Variants in TENM3 observed in about 807,000 individuals in gnomAD.
TENM3 encodes the protein teneurin-3.
TENM3 carries 63 observed loss-of-function variants against 255.1 expected under a neutral mutation model. The observed-to-expected ratio is 0.25, with a 90% CI of 0.20 to 0.30. TENM3 has a LOEUF of 0.30. Among genes scored for constraint, TENM3 ranks in the 10% least tolerant of loss-of-function variants. TENM3 has a pLI of 1.00. For missense variants in TENM3, 2,929 were observed against 3,461.1 expected (o/e 0.85, Z 3.86); for synonymous variants, 1,306 against 1,322.3 (o/e 0.99, Z 0.27).
chr4:182,039,631 T>TATAC, the TENM3 span, among the ~76,000 whole-genome samples: 2 of 151,862 alleles, frequency 1.3e-5, no homozygotes, highest in Non-Finnish European at 2.9e-5. Context: ...GATATGCACA[T>TATAC]ATACATACAT....
chr4:181,776,704 G>A, the TENM3 span, among the ~76,000 whole-genome samples: 3 of 151,940 alleles, frequency 2.0e-5, no homozygotes, highest in Non-Finnish European at 1.5e-5. Flanking sequence ...GTACCTGTTG[G>A]TCATTTTTAT....
At chr4:182,007,439 A>C in the TENM3 span, among the ~76,000 whole-genome samples, 1 of 152,278 alleles carries the variant, frequency 6.6e-6, no homozygotes, top group Admixed American at 6.5e-5. Context: ...TAGGATAGTT[A>C]GCTCTTCTTG....
the TENM3 span, among the ~76,000 whole-genome samples, chr4:182,088,499 T>G: frequency 6.6e-6 from 1 of 152,192 alleles, no homozygotes; most frequent in African/African-American, 2.4e-5. Flanking sequence ...GGGGCTTCTC[T>G]GTACAAATGT....
intron 10 of TENM3, 76 bp downstream of exon 10, chr4:182,680,813 G>C (rs1756113337): frequency 8.4e-7 from 1 of 1,195,738 alleles, no homozygotes; most frequent in African/African-American, 1.6e-5. Context: ...TCTTTAGTTG[G>C]GCAGATCTCT....
intron 1 of TENM3, among the ~76,000 whole-genome samples, chr4:182,320,970 G>A (rs992793060): frequency 2.6e-5 from 4 of 152,182 alleles, no homozygotes; most frequent in African/African-American, 9.7e-5. Context: ...TGTATATATA[G>A]CAACACTTAT....
the TENM3 span, among the ~76,000 whole-genome samples, chr4:181,907,416 A>G: frequency 1.3e-5 from 2 of 152,158 alleles, no homozygotes; most frequent in South Asian, 4.1e-4. Flanking sequence ...AGATTTTTCT[A>G]TGAAATCTCC....
chr4:182,123,155 ATTGTTG>A, the TENM3 span, among the ~76,000 whole-genome samples: 1 of 151,846 alleles, frequency 6.6e-6, no homozygotes, highest in Non-Finnish European at 1.5e-5. Flanking sequence ...TTTTGTTGTT[ATTGTTG>A]TTGTTGTTGT....
the TENM3 span, among the ~76,000 whole-genome samples, chr4:181,966,989 ATC>A: frequency 5.4e-5 from 8 of 146,962 alleles, no homozygotes; most frequent in Non-Finnish European, 6.0e-5. Flanking sequence ...CTCACACCAT[ATC>A]TCTCTCTCTC....
intron 2 of TENM3, among the ~76,000 whole-genome samples, chr4:182,333,311 A>G (rs1044157236): frequency 6.6e-6 from 1 of 152,234 alleles, no homozygotes; most frequent in African/African-American, 2.4e-5. Context: ...GTAGGTGTGT[A>G]AAAATTCAAA....
At chr4:182,064,482 C>T in the TENM3 span, among the ~76,000 whole-genome samples, 2 of 152,030 alleles carry the variant, frequency 1.3e-5, no homozygotes, top group East Asian at 3.9e-4. Context: ...ACTCGGGAGG[C>T]TGAGGCAGGA....
chr4:181,970,466 G>A, the TENM3 span, among the ~76,000 whole-genome samples: 5 of 152,070 alleles, frequency 3.3e-5, no homozygotes, highest in Admixed American at 2.0e-4. Flanking sequence ...TTTGTCTATC[G>A]TCTTGAAACT....
intron 6 of TENM3, among the ~76,000 whole-genome samples, chr4:182,667,788 G>A (rs1201511428): frequency 1.3e-5 from 2 of 151,246 alleles, no homozygotes; most frequent in East Asian, 2.0e-4. Context: ...GTCACACACC[G>A]GGGCCTATCA....
chr4:181,473,517 A>G, the TENM3 span, among the ~76,000 whole-genome samples: 3 of 152,082 alleles, frequency 2.0e-5, no homozygotes, highest in East Asian at 5.8e-4. Flanking sequence ...AGTTGAGCCC[A>G]GGAGGTTGCG....
chr4:182,240,588 G>T (rs1579852986), upstream of TENM3, among the ~76,000 whole-genome samples: 3 of 152,160 alleles, frequency 2.0e-5, no homozygotes, highest in African/African-American at 7.2e-5. Context: ...TTTTCTTCAA[G>T]TTATCTTGCG....
At chr4:182,259,534 A>T (rs1364879299) in intron 1 of TENM3, among the ~76,000 whole-genome samples, 5 of 151,938 alleles carry the variant, frequency 3.3e-5, no homozygotes, top group Admixed American at 3.3e-4. Context: ...GCTGGTCTTG[A>T]ACTCCTAGAC....
chr4:181,824,875 C>T, the TENM3 span, among the ~76,000 whole-genome samples: 4 of 152,140 alleles, frequency 2.6e-5, no homozygotes, highest in South Asian at 8.3e-4. Context: ...TAAGTATTTC[C>T]GGCCACCAGG....
At chr4:182,119,171 C>CA in the TENM3 span, among the ~76,000 whole-genome samples, 1 of 152,092 alleles carries the variant, frequency 6.6e-6, no homozygotes, top group South Asian at 2.1e-4. Flanking sequence ...TAGGCTCTGA[C>CA]AAAATTCCAG....
chr4:182,433,508 G>A (rs1223140583), intron 3 of TENM3, among the ~76,000 whole-genome samples: 3 of 152,152 alleles, frequency 2.0e-5, no homozygotes, highest in Admixed American at 6.6e-5. Flanking sequence ...AAGGGAGGAC[G>A]AGAGGAAGGG....
the TENM3 span, among the ~76,000 whole-genome samples, chr4:181,636,677 C>G: frequency 6.6e-6 from 1 of 152,200 alleles, no homozygotes; most frequent in African/African-American, 2.4e-5. Flanking sequence ...CGCCTCAGTG[C>G]AAGCGCCCAT....
Sources: allele counts gnomAD v4.1 joint callset (sites outside exome capture counted in the v4.1 genomes callset), GRCh38; gene constraint gnomAD v4.1.1; transcripts MANE v1.5; gene names NCBI Gene and HGNC (gene_info 2026-07-23, HGNC 2026-07-21).